MLIP: variants seen among roughly 807,000 people sequenced by gnomAD.
MLIP encodes muscular LMNA-interacting protein.
A neutral mutation model predicts 84.8 loss-of-function variants in MLIP; 79 were observed. The ratio of observed to expected loss-of-function variants is 0.93; its 90% CI spans 0.78 to 1.12. MLIP has a LOEUF of 1.12. Among genes scored for constraint, MLIP ranks in the 50% most tolerant of loss-of-function variants. The pLI is 0.00. For missense variants in MLIP, 1,257 were observed against 1,160.6 expected (o/e 1.08, Z -1.21); for synonymous variants, 504 against 463.0 (o/e 1.09, Z -1.14).
chr6:54,055,477 C>G (rs1270087188), intron 1 of MLIP, among the ~76,000 whole-genome samples: 1 of 152,108 alleles, frequency 6.6e-6, no homozygotes, highest in Non-Finnish European at 1.5e-5. Flanking sequence ...CTAGTCCTCT[C>G]TTATTGGGCA....
intron 1 of MLIP, among the ~76,000 whole-genome samples, chr6:54,112,709 A>G (rs1769572613): frequency 2.0e-5 from 3 of 152,170 alleles, no homozygotes. Flanking sequence ...AATTTTATGT[A>G]GGATATGGAT....
intron 12 of MLIP, among the ~76,000 whole-genome samples, chr6:54,234,907 T>C (rs1370549173): frequency 6.6e-6 from 1 of 152,184 alleles, no homozygotes; most frequent in Non-Finnish European, 1.5e-5. Flanking sequence ...TTAGTGATTA[T>C]CTTAGTACTG....
intron 1 of MLIP, among the ~76,000 whole-genome samples, chr6:54,059,241 A>G (rs1285778831): frequency 6.6e-6 from 1 of 152,172 alleles, no homozygotes; most frequent in African/African-American, 2.4e-5. Context: ...GTAAAAGACT[A>G]CACTTAGGGC....
chr6:54,154,868 A>G (rs949038313), intron 5 of MLIP, among the ~76,000 whole-genome samples: 3 of 152,144 alleles, frequency 2.0e-5, no homozygotes, highest in African/African-American at 7.2e-5. Context: ...ACTGAAAGAG[A>G]TGAGGCAAAT....
At chr6:54,116,809 C>T (rs930133112) in intron 1 of MLIP, among the ~76,000 whole-genome samples, 8 of 152,106 alleles carry the variant, frequency 5.3e-5, no homozygotes, top group Non-Finnish European at 1.0e-4. Context: ...AGCTACAGGC[C>T]AATATTCGTG....
rs149400103 is a variant in MLIP at position 54,088,683 on chromosome 6, G to T, written c.64-32764G>T. ...ATAGCTTATTATACCTGTTACAGTG[G>T]TCTCATAATTGGTAAGCAAATCTCG... On this transcript the variant is annotated intron_variant, in intron 1 of 12. Coordinates refer to the MLIP transcript ENST00000274897. Among the ~76,000 whole-genome samples, 5 of 152,246 alleles carry T rather than the reference G, an allele frequency of 3.3e-5. No homozygotes were observed. In the East Asian group the frequency reaches 9.7e-4, roughly 29 times the overall value.
At chr6:54,129,222 C>A (rs995659637) in intron 3 of MLIP, among the ~76,000 whole-genome samples, 1 of 152,046 alleles carries the variant, frequency 6.6e-6, no homozygotes, top group African/African-American at 2.4e-5. Flanking sequence ...TACCCCCAGG[C>A]CTCAACTTTA....
chr6:54,147,039 C>T (rs1342372542), intron 4 of MLIP, among the ~76,000 whole-genome samples: 1 of 152,114 alleles, frequency 6.6e-6, no homozygotes, highest in Non-Finnish European at 1.5e-5. Context: ...AGTTAATTCA[C>T]TCAAGCTTTT....
intron 13 of MLIP, among the ~76,000 whole-genome samples, chr6:54,260,277 T>C (rs1783295467): frequency 7.4e-6 from 1 of 134,968 alleles, no homozygotes; most frequent in Admixed American, 6.8e-5. Flanking sequence ...AGGAACTAAC[T>C]CAAAAAAAAA....
chr6:54,263,845 A>G (rs1277260560), intron 13 of MLIP, among the ~76,000 whole-genome samples: 1 of 152,098 alleles, frequency 6.6e-6, no homozygotes, highest in Non-Finnish European at 1.5e-5. Context: ...TGGCAATATA[A>G]TAAAATACTG....
intron 11 of MLIP, 107 bp from the exon 12 acceptor site, chr6:54,230,607 T>C: frequency 1.1e-6 from 1 of 951,568 alleles, no homozygotes; most frequent in South Asian, 1.5e-5. Flanking sequence ...AGAGGTTGTC[T>C]TCTTACTGGT....
At chr6:54,099,131 AG>A (rs1768446833) in intron 1 of MLIP, among the ~76,000 whole-genome samples, 1 of 152,222 alleles carries the variant, frequency 6.6e-6, no homozygotes, top group Non-Finnish European at 1.5e-5. Context: ...TACCAAAAAA[AG>A]TTGTTTTGAG....
intron 1 of MLIP, among the ~76,000 whole-genome samples, chr6:54,050,458 A>T (rs1438029615): frequency 6.6e-6 from 1 of 152,148 alleles, no homozygotes; most frequent in African/African-American, 2.4e-5. Flanking sequence ...GTCACAGCAC[A>T]TTTGAACATT....
chr6:54,213,734 A>AAAAAAACAAAAAACAAAAAAC (rs368508685), intron 11 of MLIP, among the ~76,000 whole-genome samples: 1 of 82,372 alleles, frequency 1.2e-5, no homozygotes, highest in African/African-American at 4.5e-5. Flanking sequence ...AAAAAAAAAA[A>AAAAAAACAAAAAACAAAAAAC]AACAACAAAC....
intron 4 of MLIP, among the ~76,000 whole-genome samples, chr6:54,143,232 T>C (rs1287369285): frequency 2.0e-5 from 3 of 151,702 alleles, no homozygotes; most frequent in African/African-American, 7.3e-5. Context: ...TTTTTTTTTT[T>C]TTGAGGTGTA....
intron 1 of MLIP, chr6:54,046,383 G>A (rs528863537): frequency 6.6e-6 from 1 of 151,278 alleles, no homozygotes; most frequent in Non-Finnish European, 1.5e-5. Context: ...AAAGAAAAAT[G>A]TTCCCACAAT....
chr6:54,190,060 A>C, intron 10 of MLIP, 146 bp downstream of exon 10: 2 of 617,538 alleles, frequency 3.2e-6, no homozygotes, highest in Non-Finnish European at 5.4e-6. Context: ...ATATTTTCCA[A>C]AAGCTCCATG....
rs186044525 is a variant in MLIP, at chr6:54,137,830, C to T, written c.1761C>T (p.Ala587=). The change falls in exon 4 of 14, where the codon GCC becomes GCT. Residue 587 remains alanine (A), a synonymous_variant. Transcript: ENST00000502396. The part of the protein sequence containing the change: ...RNIHTYPSTL[A]SSALSSLSPP... The stretch of plus-strand genomic sequence containing the variant: ...TTCACACGTACCCTTCTACATTAGC[C>T]TCCTCTGCATTATCTTCTCTATCTC... The T allele has an allele frequency of 4.9e-4, 755 of 1,536,090 alleles. 5 individuals carry two copies. In the African/African-American group the frequency reaches 9.1e-3, roughly 19 times the overall value.
At chr6:54,113,419 A>G (rs1582172213) in intron 1 of MLIP, among the ~76,000 whole-genome samples, 1 of 152,162 alleles carries the variant, frequency 6.6e-6, no homozygotes, top group African/African-American at 2.4e-5. Flanking sequence ...GGCCTGTTGT[A>G]TTACGTATTG....
Sources: gnomAD v4.1 joint callset for allele counts (sites outside exome capture counted in the v4.1 genomes callset) on GRCh38, gnomAD v4.1.1 for gene constraint, MANE v1.5 for transcripts, NCBI Gene and HGNC (gene_info 2026-07-23, HGNC 2026-07-21) for gene names.